The following SLC13A4 variants were observed in gnomAD, a reference collection of about 807,000 sequenced individuals.
SLC13A4 encodes the protein solute carrier family 13 member 4.
In SLC13A4, 28 loss-of-function variants were observed where a neutral mutation model predicts 72.7. The ratio of observed to expected loss-of-function variants is 0.39; its 90% confidence interval spans 0.29 to 0.53. The LOEUF (loss-of-function observed/expected upper bound fraction) is 0.53, where lower values mean the gene tolerates loss of function less well. SLC13A4 is among the 20% of genes least tolerant of loss of function. The pLI is 0.78. For missense variants in SLC13A4, 653 were observed against 788.0 expected (o/e 0.83, Z 2.05); for synonymous variants, 312 against 325.5 (o/e 0.96, Z 0.45).
chr7:135,686,738 A>G (rs1227699625), intron 13 of SLC13A4, among the ~76,000 whole-genome samples: 1 of 152,186 alleles, frequency 6.6e-6, no homozygotes, highest in Admixed American at 6.5e-5. Context: ...TCCACTAGCA[A>G]CAGTTACACA....
chr7:135,721,411 ACT>A lies in SLC13A4; in HGVS notation c.210_211del (p.Val71ProfsTer5). 6.2e-7 allele frequency: 1 copy of A among 1,613,830 alleles called. No individual in the cohort carries two copies. The highest frequency in any genetic ancestry group is 8.5e-7 in the Non-Finnish European group (1 of 1,179,916). On this transcript the variant is annotated frameshift_variant, in exon 2 of 16. Coordinates refer to ENST00000682651, the MANE Select transcript of SLC13A4 (RefSeq NM_001318192.2). LOFTEE classifies it high-confidence loss of function. ...TAGTCTAACCTCATTGGACCGGAGG[ACT>A]CCGAAGAACGGGTAAAGGAAGGCCG...
At chr7:135,701,784 C>T (rs1182134512) in intron 6 of SLC13A4, 24 bp from the exon 7 acceptor site, 1 of 1,611,254 alleles carries the variant, frequency 6.2e-7, no homozygotes, top group Non-Finnish European at 8.5e-7. Flanking sequence ...GGCCATCTCA[C>T]TATTAGGAAG....
chr7:135,701,107 C>T (rs1387693045), intron 7 of SLC13A4, among the ~76,000 whole-genome samples: 1 of 151,914 alleles, frequency 6.6e-6, no homozygotes, highest in East Asian at 1.9e-4. Flanking sequence ...CTCATTGAGC[C>T]AAGACCATAG....
intron 2 of SLC13A4, among the ~76,000 whole-genome samples, chr7:135,708,491 C>T (rs1397743340): frequency 6.6e-6 from 1 of 151,986 alleles, no homozygotes; most frequent in Non-Finnish European, 1.5e-5. Context: ...CAATCTGGCC[C>T]ATAACTCTAT....
chr7:135,706,036 C>A, intron 4 of SLC13A4, 92 bp downstream of exon 4: 1 of 1,329,672 alleles, frequency 7.5e-7, no homozygotes, highest in Non-Finnish European at 1.0e-6. Context: ...GGGGTGGGCA[C>A]AAAGTTGGGC....
At chr7:135,711,768 G>GT (rs551112196) in intron 2 of SLC13A4, among the ~76,000 whole-genome samples, 6 of 151,682 alleles carry the variant, frequency 4.0e-5, no homozygotes, top group African/African-American at 7.3e-5. Flanking sequence ...TTTTGTTTTT[G>GT]TTTTTTTGAG....
At chr7:135,726,301 A>C (rs1331679855) in intron 1 of SLC13A4, among the ~76,000 whole-genome samples, 1 of 152,236 alleles carries the variant, frequency 6.6e-6, no homozygotes, top group Non-Finnish European at 1.5e-5. Flanking sequence ...ATCCCAGCCC[A>C]GTTTTAATCA....
At chr7:135,683,515 GC>G in intron 15 of SLC13A4, 1 of 985,018 alleles carries the variant, frequency 1.0e-6, no homozygotes, top group Non-Finnish European at 1.2e-6. Flanking sequence ...AAGTATAGCA[GC>G]AGGTGTATAG....
rs143732494 is a variant in SLC13A4, at chr7:135,715,213, G to A, written c.228+6182C>T. On this transcript the variant is annotated intron_variant, in intron 2 of 15. Transcript: ENST00000682651. ...AGTGTGTATGAGTGTATGTGTGCAT[G>A]AGTGTGTATATGTGAGTGTATGTGT... 1.8e-3 allele frequency among the ~76,000 whole-genome samples: 269 copies of A among 150,442 alleles called. 2 individuals carry two copies. The highest frequency in any genetic ancestry group is 6.2e-3 in the African/African-American group (257 of 41,280).
At chr7:135,727,334 C>T (rs1176467496) in intron 1 of SLC13A4, 64 bp downstream of exon 1, 4 of 1,527,124 alleles carry the variant, frequency 2.6e-6, no homozygotes, top group South Asian at 1.2e-5. Context: ...GTTCCCCTAC[C>T]GACCTCCCCT....
chr7:135,703,018 C>A lies in SLC13A4; in HGVS notation c.594-134G>T, dbSNP rs893944490. 7 of 655,874 alleles carry A rather than the reference C, an allele frequency of 1.1e-5. No individual in the cohort carries two copies. The African/African-American group carries it at 1.1e-4, about 10-fold the overall frequency. 40.6% of individuals were successfully genotyped at this position (655,874 alleles called of 1,614,324 possible). On this transcript the variant is annotated intron_variant, in intron 5 of 15. Coordinates refer to ENST00000682651, the MANE Select transcript of SLC13A4 (RefSeq NM_001318192.2). Reference sequence around the variant, plus strand: ...CCAGTTTTCTAGTCTCCAGAGAAGACTAATCTCTCCCTTGTCTTCCTTGCC... The same window carrying A: ...CCAGTTTTCTAGTCTCCAGAGAAGAATAATCTCTCCCTTGTCTTCCTTGCC...
chr7:135,685,789 G>T, intron 13 of SLC13A4, 106 bp from the exon 14 acceptor site: 2 of 958,708 alleles, frequency 2.1e-6, no homozygotes, highest in Non-Finnish European at 1.6e-6. Context: ...GACGACCAGG[G>T]ATCCTCTGAT....
In SLC13A4 at chr7:135,706,182, C is replaced by T. The variant is rs749508343; in HGVS notation, c.484G>A (p.Glu162Lys). ...TTGCCCGCCACGAGCTGCTCGTCCT[C>T]AGCACTGACCAGCTCCTGCAGCACG... ...EAVLQELVSAEDEQLVAGNSN... is the reference protein window; with the variant it reads ...EAVLQELVSAKDEQLVAGNSN... The change falls in exon 4 of 16, where the codon GAG becomes AAG. Residue 162 changes from glutamate to lysine, a missense_variant. Transcript: ENST00000682651. 4.0e-5 allele frequency: 65 copies of T among 1,613,524 alleles called. No homozygotes were observed. The highest frequency in any genetic ancestry group is 5.5e-5 in the Non-Finnish European group (65 of 1,179,586).
At chr7:135,724,500 G>GAA (rs5887740) in intron 1 of SLC13A4, among the ~76,000 whole-genome samples, 70 of 94,424 alleles carry the variant, frequency 7.4e-4, no homozygotes, top group African/African-American at 1.1e-3. Context: ...CTCTGTCTCA[G>GAA]AAAAAAAAAA....
intron 1 of SLC13A4, among the ~76,000 whole-genome samples, chr7:135,722,816 A>C (rs1222610052): frequency 3.3e-5 from 5 of 151,986 alleles, no homozygotes; most frequent in Admixed American, 3.3e-4. Context: ...CCCCTGTAAG[A>C]GTTAATAAGG....
At position 135,705,645 on chromosome 7, in the gene SLC13A4, C is replaced by T. The variant is rs765859646; in HGVS notation, c.544G>A (p.Asp182Asn). ...AGAGAAGGTTGGCTGTTCTTTACAT[C>T]CAGACCTATGAGTAGCAAAGAAAAG... is the stretch of plus-strand genomic sequence containing the variant. ...NTEEAEPISLDVKNSQPSLEL... is the reference protein window; with the variant it reads ...NTEEAEPISLNVKNSQPSLEL... The change falls in exon 5 of 16, where the codon GAT becomes AAT. Residue 182 changes from aspartate (D) to asparagine (N), a missense_variant. Transcript: ENST00000682651. 1 of 1,613,958 alleles carries T rather than the reference C, an allele frequency of 6.2e-7. No homozygotes were observed. The highest frequency in any genetic ancestry group is 1.1e-5 in the South Asian group (1 of 91,066).
chr7:135,702,888 G>C lies in SLC13A4; in HGVS notation c.594-4C>G. On this transcript the variant is annotated splice_region_variant and splice_polypyrimidine_tract_variant and intron_variant, in intron 5 of 15. Transcript: ENST00000682651. ...GGTGAGGTCTGCGTTGGACCTGCTGGAACCAAGCAGAGGACACAGGAGCCA... is the reference window on the plus strand; with the variant it reads ...GGTGAGGTCTGCGTTGGACCTGCTGCAACCAAGCAGAGGACACAGGAGCCA... The C allele has an allele frequency of 6.2e-7, 1 of 1,612,958 alleles. No homozygotes were observed. Among genetic ancestry groups the C allele is most frequent in the Non-Finnish European group, 8.5e-7 (1 of 1,178,954 alleles).
chr7:135,727,591 A>C lies in SLC13A4; in HGVS notation c.-95T>G. On this transcript the variant is annotated 5_prime_UTR_variant, in exon 1 of 16. Coordinates refer to ENST00000682651, the MANE Select transcript of SLC13A4 (RefSeq NM_001318192.2). ...TGCTCTCTATCCAGAAAGACTTCTT[A>C]AACCTTTCTTGGCTTCCGAGAGTCC... is the stretch of plus-strand genomic sequence containing the variant. 1 of 1,432,860 alleles carries C rather than the reference A, an allele frequency of 7.0e-7. No homozygotes were observed. Among genetic ancestry groups the C allele is most frequent in the Non-Finnish European group, 9.3e-7 (1 of 1,077,048 alleles). 88.8% of individuals were successfully genotyped at this position (1,432,860 alleles called of 1,614,324 possible).
chr7:135,698,479 C>G (rs546892621), intron 8 of SLC13A4, among the ~76,000 whole-genome samples: 1 of 145,434 alleles, frequency 6.9e-6, no homozygotes, highest in Non-Finnish European at 1.5e-5. Context: ...GGATTACAGG[C>G]GCCTGCCACC....
Sources: allele counts gnomAD v4.1 joint callset (sites outside exome capture counted in the v4.1 genomes callset), GRCh38; gene constraint gnomAD v4.1.1; transcripts MANE v1.5; gene names NCBI Gene and HGNC (gene_info 2026-07-23, HGNC 2026-07-21).